The following POMT1 variants were observed in gnomAD, a reference collection of about 807,000 sequenced individuals.
The protein encoded by POMT1 is protein O-mannosyl-transferase 1.
Under a neutral mutation model 101.6 loss-of-function variants are expected in POMT1, and 85 were observed. That is an observed-to-expected ratio of 0.84 (90% CI 0.70 to 1.00). POMT1 has a LOEUF of 1.00. Ranked by LOEUF, POMT1 falls within the 50% of genes least tolerant of loss-of-function variation. The pLI is 0.00. For missense variants in POMT1, 857 were observed against 930.4 expected (o/e 0.92, Z 1.03); for synonymous variants, 371 against 383.0 (o/e 0.97, Z 0.37).
chr9:131,504,270 A>G lies in POMT1; in HGVS notation c.52A>G (p.Ser18Gly). ...PVVVTADINL[S>G]LVALTGMGLL... ...AGTGGTGACGGCTGACATCAACTTG[A>G]GCCTTGTGGCCCTGACTGGGATGGG... Residue 18 changes from serine (S) to glycine (G), a missense_variant, in exon 2 of 20, where the codon AGC (serine) becomes GGC (glycine). By Grantham distance (56) the Ser-to-Gly change is moderately conservative. Coordinates refer to ENST00000402686, the MANE Select transcript of POMT1 (RefSeq NM_001077365.2). 1 of 1,614,048 alleles carries G rather than the reference A, an allele frequency of 6.2e-7. No individual in the cohort carries two copies. The highest frequency in any genetic ancestry group is 1.1e-5 in the South Asian group (1 of 91,074).
intron 9 of POMT1, 154 bp from the exon 10 acceptor site, chr9:131,511,183 C>T (rs1049611454): frequency 1.6e-5 from 13 of 813,334 alleles, no homozygotes; most frequent in Non-Finnish European, 2.3e-5. Context: ...TATAATGTAA[C>T]GTGATGTGAT....
At chr9:131,511,916 G>A (rs540113011) in intron 10 of POMT1, 125 bp from the exon 11 acceptor site, 354 of 910,496 alleles carry the variant, frequency 3.9e-4, no homozygotes, top group Non-Finnish European at 1.0e-4. Flanking sequence ...TCACTATGTT[G>A]CCCAGGCTGG....
At chr9:131,506,089 T>C (rs898430962) in intron 2 of POMT1, 25 bp from the exon 3 acceptor site, 2 of 1,610,898 alleles carry the variant, frequency 1.2e-6, no homozygotes, top group African/African-American at 1.3e-5. Context: ...TTGAATATAA[T>C]ATGGGTTGTT....
Position 131,522,087 on chromosome 9 carries a change from C to T in POMT1, c.1866C>T (p.Ala622=), listed in dbSNP as rs200652115. The T allele has an allele frequency of 7.2e-5, 116 of 1,614,126 alleles. No homozygotes were observed. The highest frequency in any genetic ancestry group is 8.9e-5 in the Non-Finnish European group (105 of 1,180,036). ...LRWVLAGALC[A]GGWAVNYLPF... is the part of the protein sequence containing the mutation. Reference sequence around the variant, plus strand: ...GGGTGCTGGCTGGGGCGCTGTGTGCCGGTGGCTGGGCAGTGAACTACCTCC... The same window carrying T: ...GGGTGCTGGCTGGGGCGCTGTGTGCTGGTGGCTGGGCAGTGAACTACCTCC... Residue 622 remains alanine (A), a synonymous_variant, in exon 19 of 20, where the codon GCC becomes GCT. Coordinates refer to ENST00000402686, the MANE Select transcript of POMT1 (RefSeq NM_001077365.2). The surrounding 1 kb of genome is among the most constrained non-coding windows in gnomAD (Gnocchi z 5.5).
Position 131,512,076 on chromosome 9 carries a change from A to G in POMT1, c.1022A>G (p.Gln341Arg). The change falls in exon 11 of 20, where the codon CAG becomes CGG. Residue 341 changes from glutamine to arginine, a missense_variant. Transcript: ENST00000402686. Reference protein sequence around the residue: ...ENGRGSSHQQQVTCYPFKDVN... With the variant: ...ENGRGSSHQQRVTCYPFKDVN... ...GGCCGAGGCAGCTCCCACCAGCAAC[A>G]GGTGACCTGTTACCCCTTCAAAGAT... The G allele has an allele frequency of 6.2e-7, 1 of 1,614,136 alleles. No homozygotes were observed.
At position 131,521,481 on chromosome 9, in the gene POMT1, C is replaced by A; in HGVS notation, c.1825+9C>A. The A allele has an allele frequency of 6.2e-7, 1 of 1,613,500 alleles. No homozygotes were observed. ...CCATGACCTCCCTCAGGGTTAGTAC[C>A]TCTCCCACATGGCTTTCTTTCTTTT... On this transcript the variant is annotated intron_variant, in intron 18 of 19. Coordinates refer to ENST00000402686, the MANE Select transcript of POMT1 (RefSeq NM_001077365.2).
Position 131,510,363 on chromosome 9 carries a change from G to T in POMT1, c.803G>T (p.Arg268Leu), listed in dbSNP as rs369644530. ...FFYVHLILVF[R>L]SGPHDQIMSS... ...TACGTCCACTTGATTCTAGTCTTCC[G>T]CTCTGGGCCCCACGACCAAATCATG... Residue 268 changes from arginine (R) to leucine (L), a missense_variant, in exon 9 of 20, where the codon CGC (arginine) becomes CTC (leucine). Physicochemically the swap from Arg to Leu is moderately radical, Grantham distance 102. Transcript: ENST00000402686. 3 of 1,614,156 alleles carry T rather than the reference G, an allele frequency of 1.9e-6. No homozygotes were observed. Among genetic ancestry groups the T allele is most frequent in the Non-Finnish European group, 2.5e-6 (3 of 1,180,016 alleles).
In POMT1 at chr9:131,515,659, CTA is replaced by C. The variant is rs1269701809; in HGVS notation, c.1272+138_1272+139del. 5.3e-5 allele frequency: 43 copies of C among 813,932 alleles called. 1 individual carries two copies. Among genetic ancestry groups the C allele is most frequent in the African/African-American group, 1.0e-4 (6 of 58,590 alleles). The allele number at this position is 813,932 out of a possible 1,614,324, so 50.4% of individuals were successfully genotyped here. A position where few individuals can be genotyped will look rare whatever the true frequency, so the allele number is the denominator to read the frequency against. On this transcript the variant is annotated intron_variant, in intron 13 of 19. Coordinates refer to ENST00000402686, the MANE Select transcript of POMT1 (RefSeq NM_001077365.2). Reference sequence around the variant, plus strand: ...CACTTCATCACACGGAGCACTTCCTCTAACACGGAGCACTTCCTCTAACACAG... The same window carrying C: ...CACTTCATCACACGGAGCACTTCCTCACACGGAGCACTTCCTCTAACACAG...
rs575490510 is a variant in POMT1, at chr9:131,520,796, G to C, written c.1699-550G>C. 3.3e-5 allele frequency among the ~76,000 whole-genome samples: 5 copies of C among 152,308 alleles called. No homozygotes were observed. The East Asian group carries it at 9.6e-4, about 29-fold the overall frequency. On this transcript the variant is annotated intron_variant, in intron 17 of 19. Coordinates refer to ENST00000402686, the MANE Select transcript of POMT1 (RefSeq NM_001077365.2). Reference sequence around the variant, plus strand: ...TGGAGTCATCTGCTCCCAATTTTCAGTTTCCAATTACAAAATTGAGAGCAT... The same window carrying C: ...TGGAGTCATCTGCTCCCAATTTTCACTTTCCAATTACAAAATTGAGAGCAT...
rs1034743539 is a variant in POMT1, at chr9:131,522,662, A to G, written c.2004-270A>G. 6 of 573,768 alleles carry G rather than the reference A, an allele frequency of 1.0e-5. No individual in the cohort carries two copies. Among genetic ancestry groups the G allele is most frequent in the African/African-American group, 7.5e-5 (4 of 53,322 alleles). The allele number at this position is 573,768 out of a possible 1,614,324, so 35.5% of individuals were successfully genotyped here. On this transcript the variant is annotated intron_variant, in intron 19 of 19. Transcript: ENST00000402686. This position sits in a 1 kb window ranked among gnomAD's most constrained non-coding sequence, Gnocchi z 5.5. ...GCCTCCCGGTTTCAGGAAGCCACAC[A>G]AGGGAGGACCGTGGGTTTGGGACCA...
intron 12 of POMT1, among the ~76,000 whole-genome samples, chr9:131,515,112 C>T (rs921450171): frequency 5.9e-5 from 9 of 152,238 alleles, no homozygotes; most frequent in South Asian, 2.1e-4. Context: ...GCAGCAGTAC[C>T]GGATCGGGCC....
At position 131,510,005 on chromosome 9, in the gene POMT1, T is replaced by C. The variant is rs1290516681; in HGVS notation, c.699+9T>C. The C allele has an allele frequency of 6.2e-7, 1 of 1,614,102 alleles. No homozygotes were observed. Among genetic ancestry groups the C allele is most frequent in the Non-Finnish European group, 8.5e-7 (1 of 1,180,044 alleles). ...ACCAGACTTTGTCCAATGTAGGTGC[T>C]GATGTCCAGTGCTGCATGAGGCCGG... On this transcript the variant is annotated intron_variant, in intron 8 of 19. Transcript: ENST00000402686.
intron 2 of POMT1, 31 bp downstream of exon 2, chr9:131,504,371 ATC>A (rs1300821992): frequency 1.2e-6 from 2 of 1,613,924 alleles, no homozygotes; most frequent in Non-Finnish European, 1.7e-6. Context: ...CCCAGGGTGA[ATC>A]TAGAATTGTA....
chr9:131,507,552 A>G (rs1177651473), intron 5 of POMT1, 38 bp downstream of exon 5: 1 of 1,612,904 alleles, frequency 6.2e-7, no homozygotes, highest in Non-Finnish European at 8.5e-7. Context: ...GCTGTCATGC[A>G]GGGAAGAACT....
At position 131,517,198 on chromosome 9, in the gene POMT1, C is replaced by G. The variant is rs181299747; in HGVS notation, c.1273-1247C>G. 1.2e-4 allele frequency among the ~76,000 whole-genome samples: 18 copies of G among 152,094 alleles called. No individual in the cohort carries two copies. In the South Asian group the frequency reaches 2.1e-3, roughly 18 times the overall value. On this transcript the variant is annotated intron_variant, in intron 13 of 19. Transcript: ENST00000402686. ...CAGAGTTAGCACCACGTCCTCATGG[C>G]CAGCCCTCACAGCAAAGCCAGGTAT... is the stretch of plus-strand genomic sequence containing the variant.
rs10793885 is a variant in POMT1 at position 131,523,384 on chromosome 9, T to C, written c.*278T>C. 0.92 allele frequency: 420,787 copies of C among 455,812 alleles called. 195,522 individuals carry two copies. Among genetic ancestry groups the C allele is most frequent in the South Asian group, 0.97 (45,231 of 46,616 alleles). 28.2% of individuals were successfully genotyped at this position (455,812 alleles called of 1,614,324 possible). A position where few individuals can be genotyped will look rare whatever the true frequency, so the allele number is the denominator to read the frequency against. ...TTTCAGAGGCCAGCGTAGGAGTCAT[T>C]GACAACAAAAAGCCGAGAACCCAGG... On this transcript the variant is annotated 3_prime_UTR_variant, in exon 20 of 20. Coordinates refer to ENST00000402686, the MANE Select transcript of POMT1 (RefSeq NM_001077365.2).
intron 2 of POMT1, 97 bp from the exon 3 acceptor site, chr9:131,506,017 A>G: frequency 6.5e-7 from 1 of 1,538,092 alleles, no homozygotes; most frequent in Non-Finnish European, 8.9e-7. Flanking sequence ...CACTCACTCA[A>G]AGTCATTTGG....
chr9:131,511,024 T>C, intron 9 of POMT1: 1 of 311,786 alleles, frequency 3.2e-6, no homozygotes, highest in African/African-American at 2.1e-5. Context: ...CTCACCCTAG[T>C]CTTGGTTTTC....
chr9:131,504,475 G>A (rs1239197391), intron 2 of POMT1, 135 bp downstream of exon 2: 3 of 1,328,846 alleles, frequency 2.3e-6, no homozygotes, highest in Admixed American at 3.9e-5. Flanking sequence ...AGTGAGAGGA[G>A]AGACCAGTCT....
Sources: gnomAD v4.1 joint callset for allele counts (sites outside exome capture counted in the v4.1 genomes callset) on GRCh38, gnomAD v4.1.1 for gene constraint, Gnocchi (gnomAD v3.1) non-coding constraint, MANE v1.5 for transcripts, NCBI Gene and HGNC (gene_info 2026-07-23, HGNC 2026-07-21) for gene names.